The following GAD1 variants were observed in gnomAD, a reference collection of about 807,000 sequenced individuals.
The protein encoded by GAD1 is glutamate decarboxylase 1.
A neutral mutation model predicts 75.2 loss-of-function variants in GAD1; 35 were observed. The observed-to-expected ratio is 0.47, with a 90% CI of 0.36 to 0.62. GAD1 has a LOEUF of 0.62. GAD1 is among the 20% of genes least tolerant of loss of function. The pLI is 0.00. For missense variants in GAD1, 490 were observed against 758.5 expected (o/e 0.65, Z 4.16); for synonymous variants, 257 against 271.9 (o/e 0.95, Z 0.54).
At chr2:170,842,602 G>T in intron 6 of GAD1, 1 of 1,614,038 alleles carries the variant, frequency 6.2e-7, no homozygotes, top group Non-Finnish European at 8.5e-7. Flanking sequence ...GGTTGCTACG[G>T]TGATGGGGCT....
At chr2:170,832,691 C>T (rs200435228) in intron 5 of GAD1, among the ~76,000 whole-genome samples, 3 of 147,228 alleles carry the variant, frequency 2.0e-5, no homozygotes, top group African/African-American at 7.4e-5. Flanking sequence ...CACACACACA[C>T]ACACATACAC....
At chr2:170,832,672 A>ATG (rs1702268084) in intron 5 of GAD1, among the ~76,000 whole-genome samples, 1 of 100,358 alleles carries the variant, frequency 1.0e-5, no homozygotes, top group African/African-American at 2.7e-5. Flanking sequence ...GCGCACACAC[A>ATG]CACACACACA....
intron 12 of GAD1, among the ~76,000 whole-genome samples, chr2:170,852,024 G>A (rs1441960099): frequency 6.6e-6 from 1 of 152,214 alleles, no homozygotes; most frequent in Non-Finnish European, 1.5e-5. Flanking sequence ...GAGAAAGGCA[G>A]AAAGAAGCCA....
Position 170,847,707 on chromosome 2 carries a change from CTGGCACGACTGTTTA to C in GAD1, c.1038_1052del (p.Thr347_Gly351del), listed in dbSNP as rs1702662732. ...GTTCCCTTTTATGTCAATGCAACTGCTGGCACGACTGTTTATGGAGCTTTTGATCCGATACAAGAG... is the reference window on the plus strand; with the variant it reads ...GTTCCCTTTTATGTCAATGCAACTGCTGGAGCTTTTGATCCGATACAAGAG... On this transcript the variant is annotated inframe_deletion, in exon 11 of 17. Coordinates refer to ENST00000358196, the MANE Select transcript of GAD1 (RefSeq NM_000817.3). The C allele has an allele frequency of 1.2e-6, 2 of 1,613,990 alleles. No individual in the cohort carries two copies. The highest frequency in any genetic ancestry group is 1.7e-6 in the Non-Finnish European group (2 of 1,179,830).
chr2:170,842,500 G>C (rs370044709), intron 6 of GAD1: 358 of 1,366,062 alleles, frequency 2.6e-4, no homozygotes, highest in Admixed American at 5.0e-4. Context: ...CCCATCATGA[G>C]TTTGCCTCTT....
intron 14 of GAD1, among the ~76,000 whole-genome samples, chr2:170,855,662 C>T (rs1456089729): frequency 6.6e-6 from 1 of 151,702 alleles, no homozygotes; most frequent in Non-Finnish European, 1.5e-5. Flanking sequence ...ATCATTTGAG[C>T]TCAGGAGTTC....
chr2:170,847,919 G>A (rs1403907276), intron 11 of GAD1, 127 bp downstream of exon 11: 1 of 763,674 alleles, frequency 1.3e-6, no homozygotes, highest in Non-Finnish European at 2.4e-6. Context: ...TCCAGTTCTT[G>A]TCTGGACCCT....
chr2:170,853,022 C>A lies in GAD1; in HGVS notation c.1263+230C>A. 1 of 591,084 alleles carries A rather than the reference C, an allele frequency of 1.7e-6. No individual in the cohort carries two copies. The highest frequency in any genetic ancestry group is 2.0e-5 in the South Asian group (1 of 49,596). 36.6% of individuals were successfully genotyped at this position (591,084 alleles called of 1,614,324 possible). On this transcript the variant is annotated intron_variant, in intron 13 of 16. Transcript: ENST00000358196. This position sits in a 1 kb window ranked among gnomAD's most constrained non-coding sequence, Gnocchi z 4.1. ...TTGATCAGTACTCAGGGTCTGTCAG[C>A]AACTGAACCTTTAAGGAAATTATTT...
At chr2:170,842,749 C>T (rs1472422750) in intron 6 of GAD1, 6 of 1,544,644 alleles carry the variant, frequency 3.9e-6, no homozygotes, top group Non-Finnish European at 4.4e-6. Flanking sequence ...TAAAATACTT[C>T]TACCAACATA....
chr2:170,815,160 C>A (rs1385747966), upstream of GAD1, among the ~76,000 whole-genome samples: 1 of 152,100 alleles, frequency 6.6e-6, no homozygotes, highest in Non-Finnish European at 1.5e-5. Flanking sequence ...GGTTGTATGC[C>A]GCCCACTTCA....
At chr2:170,845,478 A>T in intron 7 of GAD1, 28 bp from the exon 8 acceptor site, 1 of 1,588,104 alleles carries the variant, frequency 6.3e-7, no homozygotes, top group Non-Finnish European at 8.6e-7. Flanking sequence ...GAGCCCCAAC[A>T]CCTCCCAATA....
At chr2:170,846,368 T>C (rs376470455) in intron 10 of GAD1, among the ~76,000 whole-genome samples, 22 of 152,366 alleles carry the variant, frequency 1.4e-4, no homozygotes, top group African/African-American at 5.0e-4. Flanking sequence ...TATAGCCTAA[T>C]TGAACTTTTT....
intron 12 of GAD1, among the ~76,000 whole-genome samples, chr2:170,849,821 G>A (rs1209368743): frequency 6.6e-6 from 1 of 152,236 alleles, no homozygotes; most frequent in African/African-American, 2.4e-5. Flanking sequence ...AGGGGAATTG[G>A]AGGCCATCAG....
chr2:170,818,411 C>T lies in GAD1; in HGVS notation c.-63-118C>T, dbSNP rs1701770673. ...CAGGCAGGCTCGCTGCCTTTCCTCC[C>T]TCTTGTCTCTCCAGAGCCGGATCTT... On this transcript the variant is annotated intron_variant, in intron 1 of 16. Coordinates refer to ENST00000358196, the MANE Select transcript of GAD1 (RefSeq NM_000817.3). The surrounding 1 kb of genome is among the most constrained non-coding windows in gnomAD (Gnocchi z 5.9). 18 of 657,626 alleles carry T rather than the reference C, an allele frequency of 2.7e-5. No homozygotes were observed. The South Asian group carries it at 2.8e-4, about 10-fold the overall frequency. 40.7% of individuals were successfully genotyped at this position (657,626 alleles called of 1,614,324 possible).
Position 170,830,941 on chromosome 2 carries a change from C to G in GAD1, c.305-9C>G. ...AGGTGAAAACCATTCATTGCTCTCC[C>G]CAATTCAGATCTGCTTCCGGCTAAG... is the stretch of plus-strand genomic sequence containing the variant. On this transcript the variant is annotated splice_polypyrimidine_tract_variant and intron_variant, in intron 4 of 16. Transcript: ENST00000358196. 1.9e-6 allele frequency: 3 copies of G among 1,614,154 alleles called. No individual in the cohort carries two copies. Among genetic ancestry groups the G allele is most frequent in the Non-Finnish European group, 1.7e-6 (2 of 1,180,026 alleles).
At chr2:170,814,560 G>C (rs1701663322), upstream of GAD1, among the ~76,000 whole-genome samples, 1 of 152,210 alleles carries the variant, frequency 6.6e-6, no homozygotes, top group Admixed American at 6.5e-5. Flanking sequence ...CACTCCCGGC[G>C]TGCAGGATAA....
At chr2:170,834,000 CAAAAAAA>C (rs780406848) in intron 5 of GAD1, among the ~76,000 whole-genome samples, 2 of 137,584 alleles carry the variant, frequency 1.5e-5, no homozygotes, top group Non-Finnish European at 3.2e-5. Context: ...GACCCTGTTT[CAAAAAAA>C]AAAAAAGAGA....
intron 5 of GAD1, among the ~76,000 whole-genome samples, chr2:170,832,256 A>C (rs1702250143): frequency 6.6e-6 from 1 of 152,180 alleles, no homozygotes; most frequent in Non-Finnish European, 1.5e-5. Context: ...GGTGCTGGCT[A>C]TGCTCTCTCT....
At chr2:170,836,719 G>A (rs1332734583) in intron 5 of GAD1, 74 bp from the exon 6 acceptor site, 1 of 991,370 alleles carries the variant, frequency 1.0e-6, no homozygotes, top group Non-Finnish European at 1.6e-6. Flanking sequence ...GTGACCCAGT[G>A]GGGCAGGCCG....
Sources: gnomAD v4.1 joint callset for allele counts (sites outside exome capture counted in the v4.1 genomes callset) on GRCh38, gnomAD v4.1.1 for gene constraint, Gnocchi (gnomAD v3.1) non-coding constraint, MANE v1.5 for transcripts, NCBI Gene and HGNC (gene_info 2026-07-23, HGNC 2026-07-21) for gene names.